Variants in DNAJC11 observed in about 807,000 individuals in gnomAD.
The protein encoded by DNAJC11 is dnaJ homolog subfamily C member 11.
DNAJC11 carries 15 observed loss-of-function variants against 78.6 expected under a neutral mutation model. The ratio of observed to expected loss-of-function variants is 0.19; its 90% CI spans 0.13 to 0.29. The LOEUF is 0.29. DNAJC11 is among the 10% of genes least tolerant of loss of function. The pLI, the probability that DNAJC11 is intolerant of heterozygous loss-of-function variation, is 1.00. For missense variants in DNAJC11, 547 were observed against 709.6 expected, an observed-to-expected ratio of 0.77 and a Z score of 2.60; for synonymous variants, 292 against 272.1, an observed-to-expected ratio of 1.07 and a Z score of -0.72.
chr1:6,646,102 C>A, intron 7 of DNAJC11, 124 bp from the exon 8 acceptor site: 4 of 948,306 alleles, frequency 4.2e-6, no homozygotes, highest in African/African-American at 3.3e-5. Flanking sequence ...GGCCAGCTCC[C>A]AGTAAAAAAA....
At chr1:6,635,833 A>G in intron 15 of DNAJC11, 133 bp from the exon 16 acceptor site, 1 of 1,142,054 alleles carries the variant, frequency 8.8e-7, no homozygotes, top group Non-Finnish European at 1.3e-6. Flanking sequence ...CGCTGCTGAA[A>G]ATCAACTGCT....
At chr1:6,652,659 G>A (rs914511744) in intron 6 of DNAJC11, among the ~76,000 whole-genome samples, 170 bp downstream of exon 6, 16 of 152,178 alleles carry the variant, frequency 1.1e-4, no homozygotes, top group African/African-American at 3.9e-4. Flanking sequence ...AGGCTCATGA[G>A]ACCTATTTTT....
intron 2 of DNAJC11, among the ~76,000 whole-genome samples, chr1:6,678,690 T>A (rs1355647052): frequency 6.6e-6 from 1 of 152,188 alleles, no homozygotes; most frequent in Non-Finnish European, 1.5e-5. Flanking sequence ...TCCTTCTCTG[T>A]TGTCCTGGCT....
chr1:6,662,279 C>T (rs886975264), intron 4 of DNAJC11, among the ~76,000 whole-genome samples: 4 of 151,998 alleles, frequency 2.6e-5, no homozygotes, highest in South Asian at 2.1e-4. Flanking sequence ...CTGCAACCCC[C>T]GCCTCCCAGG....
chr1:6,678,270 G>C, intron 3 of DNAJC11, 124 bp downstream of exon 3: 1 of 1,052,550 alleles, frequency 9.5e-7, no homozygotes, highest in South Asian at 1.3e-5. Context: ...TACAGGGCAA[G>C]GAAGGGGGCT....
At chr1:6,648,195 GC>G (rs2148731502) in intron 7 of DNAJC11, among the ~76,000 whole-genome samples, 1 of 151,994 alleles carries the variant, frequency 6.6e-6, no homozygotes, top group Admixed American at 6.5e-5. Flanking sequence ...CGGCTCTGTC[GC>G]CCAGGCTGGA....
Position 6,634,517 on chromosome 1 carries a change from C to G in DNAJC11, c.*1158G>C, listed in dbSNP as rs1641716906. 7 of 1,357,158 alleles carry G rather than the reference C, an allele frequency of 5.2e-6. No homozygotes were observed. The highest frequency in any genetic ancestry group is 6.9e-6 in the Non-Finnish European group (7 of 1,017,898). 84.1% of individuals were successfully genotyped at this position (1,357,158 alleles called of 1,614,324 possible). A position where few individuals can be genotyped will look rare whatever the true frequency, so the allele number is the denominator to read the frequency against. On this transcript the variant is annotated 3_prime_UTR_variant, in exon 16 of 16. Transcript: ENST00000377577. ...CCGGCGCAGCTTGGGGCCCCCCGCG[C>G]CAGCTGTCTCAGCCACCACCTGTGC...
At chr1:6,656,683 A>G (rs1642131320) in intron 4 of DNAJC11, among the ~76,000 whole-genome samples, 1 of 150,676 alleles carries the variant, frequency 6.6e-6, no homozygotes, top group Non-Finnish European at 1.5e-5. Context: ...GTTCGAGACC[A>G]GCCTAGGCAA....
At chr1:6,688,698 T>G (rs1187345706) in intron 1 of DNAJC11, among the ~76,000 whole-genome samples, 1 of 152,076 alleles carries the variant, frequency 6.6e-6, no homozygotes, top group Non-Finnish European at 1.5e-5. Context: ...AACACAAAGG[T>G]GGACTCTGAT....
At position 6,634,464 on chromosome 1, in the gene DNAJC11, TCAG is replaced by T. The variant is rs1557460841; in HGVS notation, c.*1208_*1210del. 6.1e-6 allele frequency: 8 copies of T among 1,309,160 alleles called. No individual in the cohort carries two copies. The South Asian group carries it at 8.7e-5, about 14-fold the overall frequency. The allele number at this position is 1,309,160 out of a possible 1,614,324, so 81.1% of individuals were successfully genotyped here. On this transcript the variant is annotated 3_prime_UTR_variant, in exon 16 of 16. Coordinates refer to ENST00000377577, the MANE Select transcript of DNAJC11 (RefSeq NM_018198.4). ...CAGTGCTGGGGAGGGAGGCCTGACTTCAGCAACAGCTGTGGGTGGGCTGGAGGC... is the reference window on the plus strand; with the variant it reads ...CAGTGCTGGGGAGGGAGGCCTGACTTCAACAGCTGTGGGTGGGCTGGAGGC...
chr1:6,693,935 CAG>C (rs967817812), intron 1 of DNAJC11, among the ~76,000 whole-genome samples: 66 of 151,052 alleles, frequency 4.4e-4, no homozygotes, highest in African/African-American at 1.5e-3. Flanking sequence ...CACCTCCCAG[CAG>C]AGATTCTCCT....
intron 1 of DNAJC11, among the ~76,000 whole-genome samples, chr1:6,688,262 A>T (rs1642688432): frequency 6.6e-6 from 1 of 152,188 alleles, no homozygotes; most frequent in Admixed American, 6.5e-5. Context: ...ATATGTTTGA[A>T]TTTGCTTTCT....
intron 3 of DNAJC11, chr1:6,670,750 G>C (rs1399340068): frequency 6.6e-6 from 1 of 152,144 alleles, no homozygotes; most frequent in East Asian, 1.9e-4. Flanking sequence ...TCTATTTCGT[G>C]AACAAGATGC....
At chr1:6,681,743 C>CTG (rs1245448522) in intron 1 of DNAJC11, among the ~76,000 whole-genome samples, 5 of 152,174 alleles carry the variant, frequency 3.3e-5, no homozygotes. Flanking sequence ...CCCACATTCA[C>CTG]TGTGGCCTGC....
intron 3 of DNAJC11, among the ~76,000 whole-genome samples, chr1:6,677,554 C>T (rs1335448899): frequency 6.6e-6 from 1 of 152,174 alleles, no homozygotes; most frequent in African/African-American, 2.4e-5. Context: ...AGCCTGGCTC[C>T]CCAGAGTGTT....
rs1206499019 is a variant in DNAJC11, at chr1:6,636,131, C to T, written c.1640G>A (p.Arg547Gln). 20 of 1,613,988 alleles carry T rather than the reference C, an allele frequency of 1.2e-5. No individual in the cohort carries two copies. The highest frequency in any genetic ancestry group is 2.2e-5 in the South Asian group (2 of 91,050). ...CGGCTACTCACACTGCTTTGGTATC[C>T]GGAGGGCCTCACTGTCCAGCACCAT... ...QVMVLDSEAL[R>Q]IPKQSHRIDT... Residue 547 changes from arginine (R) to glutamine (Q), a missense_variant, in exon 15 of 16, where the codon CGG (arginine) becomes CAG (glutamine). Arg to Gln is a conservative substitution (Grantham distance 43). Transcript: ENST00000377577.
intron 1 of DNAJC11, among the ~76,000 whole-genome samples, chr1:6,685,324 C>T (rs1490824747): frequency 6.6e-6 from 1 of 152,214 alleles, no homozygotes; most frequent in Admixed American, 6.5e-5. Flanking sequence ...TTTCTAATAA[C>T]ACGAAGCTGT....
Position 6,637,266 on chromosome 1 carries a change from T to A in DNAJC11, c.1456A>T (p.Ile486Phe). The change falls in exon 14 of 16, where the codon ATT becomes TTT. Residue 486 changes from isoleucine to phenylalanine, a missense_variant. Coordinates refer to ENST00000377577, the MANE Select transcript of DNAJC11 (RefSeq NM_018198.4). ...KSRKSEKVKV[I>F]DVTVPLQCLV... is the part of the protein sequence containing the mutation. ...CACTGCAGGGGCACAGTCACGTCAA[T>A]CACCTTCACCTTCTCGCTCTTCCTG... 6.2e-7 allele frequency: 1 copy of A among 1,614,170 alleles called. No individual in the cohort carries two copies. The highest frequency in any genetic ancestry group is 8.5e-7 in the Non-Finnish European group (1 of 1,180,028).
chr1:6,700,697 C>T (rs777702524), intron 1 of DNAJC11, among the ~76,000 whole-genome samples: 3 of 152,210 alleles, frequency 2.0e-5, no homozygotes, highest in Non-Finnish European at 4.4e-5. Flanking sequence ...AGTGGTCCCA[C>T]ACAAGATAAG....
Sources: allele counts gnomAD v4.1 joint callset (sites outside exome capture counted in the v4.1 genomes callset), GRCh38; gene constraint gnomAD v4.1.1; transcripts MANE v1.5; gene names NCBI Gene and HGNC (gene_info 2026-07-23, HGNC 2026-07-21).